AOAH: variants seen among roughly 807,000 people sequenced by gnomAD.
AOAH encodes acyloxyacyl hydrolase.
AOAH carries 64 observed loss-of-function variants against 92.2 expected under a neutral mutation model. The ratio of observed to expected loss-of-function variants is 0.69; its 90% CI spans 0.57 to 0.86. The LOEUF is 0.86. Ranked by LOEUF, AOAH falls within the 40% of genes least tolerant of loss-of-function variation. AOAH has a pLI of 0.00. For synonymous variants in AOAH, 263 were observed against 254.5 expected, an observed-to-expected ratio of 1.03 and a Z score of -0.32; for missense variants, 656 against 694.6, an observed-to-expected ratio of 0.94 and a Z score of 0.62.
intron 13 of AOAH, among the ~76,000 whole-genome samples, chr7:36,556,196 T>C (rs1329627364): frequency 6.6e-6 from 1 of 152,214 alleles, no homozygotes; most frequent in Non-Finnish European, 1.5e-5. Context: ...TTTGTTCTCG[T>C]TGGTTTCAAA....
chr7:36,653,947 T>C (rs1002365129), intron 4 of AOAH, among the ~76,000 whole-genome samples: 6 of 152,102 alleles, frequency 3.9e-5, no homozygotes, highest in African/African-American at 1.2e-4. Flanking sequence ...GCTCATGCAA[T>C]GTAACATTCT....
At chr7:36,578,689 T>C (rs1005329967) in intron 12 of AOAH, among the ~76,000 whole-genome samples, 3 of 152,224 alleles carry the variant, frequency 2.0e-5, no homozygotes, top group Non-Finnish European at 4.4e-5. Context: ...TAGAAGAGGA[T>C]TTAGCTATTG....
intron 5 of AOAH, among the ~76,000 whole-genome samples, chr7:36,635,453 T>A (rs1412988200): frequency 6.6e-6 from 1 of 152,150 alleles, no homozygotes; most frequent in East Asian, 1.9e-4. Flanking sequence ...GAAACTGAAT[T>A]TCTGTGTGGC....
chr7:36,685,981 GA>G (rs1400006531), intron 2 of AOAH, among the ~76,000 whole-genome samples: 1 of 151,792 alleles, frequency 6.6e-6, no homozygotes, highest in African/African-American at 2.4e-5. Flanking sequence ...TTACTTAACA[GA>G]AAAAATAATG....
At position 36,581,998 on chromosome 7, in the gene AOAH, C is replaced by T. The variant is rs921573298; in HGVS notation, c.939-5342G>A. ...GGGATCAATATAATATTTTGATATG[C>T]CTGCAAATTGAGAAGATAGCTTAAT... On this transcript the variant is annotated intron_variant, in intron 12 of 20. Coordinates refer to ENST00000617537, the MANE Select transcript of AOAH (RefSeq NM_001637.4). Among the ~76,000 whole-genome samples, 3 of 152,100 alleles carry T rather than the reference C, an allele frequency of 2.0e-5. No individual in the cohort carries two copies. The East Asian group carries it at 5.8e-4, about 29-fold the overall frequency.
chr7:36,712,819 C>A (rs1229439316), intron 1 of AOAH, among the ~76,000 whole-genome samples: 2 of 152,138 alleles, frequency 1.3e-5, no homozygotes, highest in South Asian at 2.1e-4. Context: ...CCTAAAAGAG[C>A]TCCTGAAGGA....
Position 36,603,609 on chromosome 7 carries a change from T to C in AOAH, c.847-9179A>G, listed in dbSNP as rs145086476. On this transcript the variant is annotated intron_variant, in intron 11 of 20. Transcript: ENST00000617537. The stretch of plus-strand genomic sequence containing the variant: ...AGGTTTGCAGGCCGTTTGGTCTCTG[T>C]TGTGACTGCTCAGTTCTGCTGTTGT... 5.3e-4 allele frequency among the ~76,000 whole-genome samples: 81 copies of C among 152,290 alleles called. 1 individual carries two copies. The highest frequency in any genetic ancestry group is 1.9e-3 in the African/African-American group (80 of 41,562).
At chr7:36,694,078 A>T (rs1278045896) in intron 1 of AOAH, among the ~76,000 whole-genome samples, 1 of 152,234 alleles carries the variant, frequency 6.6e-6, no homozygotes, top group Non-Finnish European at 1.5e-5. Context: ...AAAGAACTAG[A>T]TACTACCTGA....
chr7:36,527,701 G>T (rs1784475657), intron 19 of AOAH, among the ~76,000 whole-genome samples: 1 of 152,194 alleles, frequency 6.6e-6, no homozygotes, highest in Non-Finnish European at 1.5e-5. Flanking sequence ...GGAAACAAAG[G>T]CTGGGTGGTT....
chr7:36,547,449 G>T (rs1314902273), intron 15 of AOAH, among the ~76,000 whole-genome samples: 1 of 152,216 alleles, frequency 6.6e-6, no homozygotes, highest in Non-Finnish European at 1.5e-5. Context: ...TTCAGCACAG[G>T]CTTGGAAAGC....
chr7:36,527,329 T>G (rs1177088515), intron 19 of AOAH, among the ~76,000 whole-genome samples: 4 of 152,116 alleles, frequency 2.6e-5, no homozygotes, highest in South Asian at 2.1e-4. Context: ...ATGAGAATAT[T>G]TTTGACACAA....
chr7:36,663,256 A>G (rs934915036), intron 3 of AOAH, among the ~76,000 whole-genome samples: 4 of 152,300 alleles, frequency 2.6e-5, no homozygotes, highest in South Asian at 2.1e-4. Context: ...AGGCTCCCCT[A>G]TTATCATTAT....
At chr7:36,524,781 G>T (rs183076145) in intron 19 of AOAH, among the ~76,000 whole-genome samples, 27 of 151,712 alleles carry the variant, frequency 1.8e-4, no homozygotes, top group Admixed American at 1.1e-3. Flanking sequence ...TGAGAAGTTG[G>T]CAGTCGGCAA....
intron 3 of AOAH, among the ~76,000 whole-genome samples, chr7:36,665,103 A>C (rs1795456439): frequency 6.6e-6 from 1 of 152,238 alleles, no homozygotes; most frequent in Admixed American, 6.5e-5. Context: ...ACAAACATCC[A>C]AACAATATCA....
intron 16 of AOAH, among the ~76,000 whole-genome samples, chr7:36,537,460 C>G (rs1583761329): frequency 6.6e-6 from 1 of 151,232 alleles, no homozygotes; most frequent in Non-Finnish European, 1.5e-5. Context: ...AGATGTTTAG[C>G]AAACCCCCTG....
At chr7:36,644,032 G>A (rs911352141) in intron 4 of AOAH, among the ~76,000 whole-genome samples, 55 of 152,214 alleles carry the variant, frequency 3.6e-4, no homozygotes, top group Admixed American at 2.4e-3. Flanking sequence ...CTAATACAAT[G>A]TTGTGCCATG....
At chr7:36,517,224 C>CTT (rs1229778638) in intron 20 of AOAH, among the ~76,000 whole-genome samples, 6 of 47,574 alleles carry the variant, frequency 1.3e-4, no homozygotes, top group South Asian at 8.2e-4. Context: ...CTCTTTCTTT[C>CTT]TGTCTCTCTC....
intron 13 of AOAH, among the ~76,000 whole-genome samples, chr7:36,560,149 T>C (rs1300286540): frequency 2.0e-5 from 3 of 152,250 alleles, no homozygotes; most frequent in Non-Finnish European, 2.9e-5. Flanking sequence ...ATAGTATAGT[T>C]TGAAGTTGGG....
At chr7:36,711,435 AC>A (rs1325488557) in intron 1 of AOAH, among the ~76,000 whole-genome samples, 1 of 152,070 alleles carries the variant, frequency 6.6e-6, no homozygotes, top group Non-Finnish European at 1.5e-5. Flanking sequence ...GGTATTGCTC[AC>A]TGTGTGACCT....
Sources: allele counts gnomAD v4.1 joint callset (sites outside exome capture counted in the v4.1 genomes callset), GRCh38; gene constraint gnomAD v4.1.1; transcripts MANE v1.5; gene names NCBI Gene and HGNC (gene_info 2026-07-23, HGNC 2026-07-21).